Variants in SLC35A3 observed in about 807,000 individuals in gnomAD.
SLC35A3 encodes the protein UDP-N-acetylglucosamine transporter.
Under a neutral mutation model 39.0 loss-of-function variants are expected in SLC35A3, and 26 were observed. The ratio of observed to expected loss-of-function variants is 0.67; its 90% CI spans 0.49 to 0.92. The LOEUF is 0.92. SLC35A3 is among the 40% of genes least tolerant of loss of function. The pLI is 0.00. For missense variants in SLC35A3, 299 were observed against 371.6 expected, an observed-to-expected ratio of 0.80 and a Z score of 1.61; for synonymous variants, 135 against 133.1, an observed-to-expected ratio of 1.01 and a Z score of -0.10.
chr1:99,976,183 A>G (rs1263730173), intron 1 of SLC35A3, among the ~76,000 whole-genome samples: 2 of 152,218 alleles, frequency 1.3e-5, no homozygotes, highest in African/African-American at 4.8e-5. Context: ...CTCTTCAGTT[A>G]GGCAGAGTGG....
In SLC35A3 at chr1:99,977,026, A is replaced by T. The variant is rs542084362; in HGVS notation, c.-19+6864A>T. Among the ~76,000 whole-genome samples the T allele has an allele frequency of 3.6e-3, 550 of 152,204 alleles. 4 individuals are homozygous for T. Among genetic ancestry groups the T allele is most frequent in the Non-Finnish European group, 5.8e-3 (395 of 68,004 alleles). ...TTTGTCAGACCATAAATCCATAAAAACTGCTCATTCTATATTGTTTCAGTT... is the reference window on the plus strand; with the variant it reads ...TTTGTCAGACCATAAATCCATAAAATCTGCTCATTCTATATTGTTTCAGTT... On this transcript the variant is annotated intron_variant, in intron 1 of 7. Coordinates refer to ENST00000533028, the MANE Select transcript of SLC35A3 (RefSeq NM_012243.3).
chr1:99,993,435 A>T (rs1371191289), intron 1 of SLC35A3, 102 bp from the exon 2 acceptor site: 1 of 848,730 alleles, frequency 1.2e-6, no homozygotes, highest in Non-Finnish European at 1.8e-6. Flanking sequence ...GGTGGAGGAG[A>T]GACCTGCAGG....
intron 1 of SLC35A3, among the ~76,000 whole-genome samples, chr1:99,973,781 C>T (rs1212122801): frequency 6.6e-6 from 1 of 152,132 alleles, no homozygotes; most frequent in Non-Finnish European, 1.5e-5. Context: ...TTTTGGGAGG[C>T]CCAGGCAGGC....
intron 5 of SLC35A3, among the ~76,000 whole-genome samples, chr1:100,012,518 T>C (rs1659741929): frequency 6.6e-6 from 1 of 152,124 alleles, no homozygotes; most frequent in South Asian, 2.1e-4. Flanking sequence ...AATTCAAAAT[T>C]ATAAGAACAA....
rs778762611 is a variant in SLC35A3 at position 100,033,358 on chromosome 1, A to G, written c.*10882A>G. The G allele has an allele frequency of 2.6e-5, 4 of 152,080 alleles. No homozygotes were observed. Among genetic ancestry groups the G allele is most frequent in the Non-Finnish European group, 5.9e-5 (4 of 68,014 alleles). 9.4% of individuals were successfully genotyped at this position (152,080 alleles called of 1,614,324 possible). A position where few individuals can be genotyped will look rare whatever the true frequency, so the allele number is the denominator to read the frequency against. Reference sequence around the variant, plus strand: ...TGAAAAGTGTACTCTGAAAAAATCTAGCTGTCATACCTATCCCTCCATTCC... The same window carrying G: ...TGAAAAGTGTACTCTGAAAAAATCTGGCTGTCATACCTATCCCTCCATTCC... On this transcript the variant is annotated 3_prime_UTR_variant, in exon 8 of 8. Coordinates refer to ENST00000533028, the MANE Select transcript of SLC35A3 (RefSeq NM_012243.3).
In SLC35A3 at chr1:100,022,475, A is replaced by G. The variant is rs201701566; in HGVS notation, c.977A>G (p.Ter326TrpextTer14). The change falls in exon 8 of 8, where the codon TAG (stop) becomes TGG (tryptophan). Residue 326 changes from the stop codon to tryptophan, a stop_lost. Transcript: ENST00000533028. ...PKPAGNPTKA[*>W] Reference sequence around the variant, plus strand: ...CCTGCAGGAAATCCCACTAAAGCATAGTTGTATACTATCTTTAACTGGTTT... The same window carrying G: ...CCTGCAGGAAATCCCACTAAAGCATGGTTGTATACTATCTTTAACTGGTTT... 4.6e-6 allele frequency: 7 copies of G among 1,533,640 alleles called. No individual in the cohort carries two copies. The East Asian group carries it at 1.6e-4, about 35-fold the overall frequency.
chr1:99,973,073 G>A (rs1656913540), intron 1 of SLC35A3, among the ~76,000 whole-genome samples: 1 of 152,158 alleles, frequency 6.6e-6, no homozygotes, highest in South Asian at 2.1e-4. Flanking sequence ...AGAATCAATG[G>A]AAAGAATCTC....
At chr1:99,986,165 CTTT>C (rs199503957) in intron 1 of SLC35A3, among the ~76,000 whole-genome samples, 10 of 137,950 alleles carry the variant, frequency 7.2e-5, no homozygotes, top group Admixed American at 2.2e-4. Flanking sequence ...ATATATTCTA[CTTT>C]TTTTTTTTTT....
At chr1:99,979,486 T>C (rs1657317644) in intron 1 of SLC35A3, among the ~76,000 whole-genome samples, 1 of 150,216 alleles carries the variant, frequency 6.7e-6, no homozygotes, top group African/African-American at 2.4e-5. Flanking sequence ...CAGGCTGGAG[T>C]GCAGTGGCGT....
chr1:100,033,941 A>G lies in SLC35A3; in HGVS notation c.*11465A>G, dbSNP rs775579166. 3.3e-5 allele frequency: 5 copies of G among 152,236 alleles called. No homozygotes were observed. Among genetic ancestry groups the G allele is most frequent in the Non-Finnish European group, 5.9e-5 (4 of 68,040 alleles). The allele number at this position is 152,236 out of a possible 1,614,324, so 9.4% of individuals were successfully genotyped here. A position where few individuals can be genotyped will look rare whatever the true frequency, so the allele number is the denominator to read the frequency against. ...GAGTATTCAAGGAGGGCTTGTAAGT[A>G]CTGTACAATATTCTCTGAGTTGTGA... On this transcript the variant is annotated 3_prime_UTR_variant, in exon 8 of 8. Transcript: ENST00000533028.
rs984092865 is a variant in SLC35A3 at position 100,022,627 on chromosome 1, T to C, written c.*151T>C. ...TAAAAGTTTAAGGATAAGACATGTG[T>C]ATATGTAACAAAACACATTGCATCT... On this transcript the variant is annotated 3_prime_UTR_variant, in exon 8 of 8. Transcript: ENST00000533028. 1 of 433,174 alleles carries C rather than the reference T, an allele frequency of 2.3e-6. No individual in the cohort carries two copies. The highest frequency in any genetic ancestry group is 2.0e-5 in the African/African-American group (1 of 48,860). The allele number at this position is 433,174 out of a possible 1,614,324, so 26.8% of individuals were successfully genotyped here.
In SLC35A3 at chr1:100,027,108, A is replaced by C; in HGVS notation, c.*4632A>C. On this transcript the variant is annotated 3_prime_UTR_variant, in exon 8 of 8. Transcript: ENST00000533028. ...TCTCTGGCTCTGTAGTATCTCTATC[A>C]CTGTCACATGTGATCTTTCTTCCTT... 1 of 398,430 alleles carries C rather than the reference A, an allele frequency of 2.5e-6. No homozygotes were observed. The highest frequency in any genetic ancestry group is 4.4e-6 in the Non-Finnish European group (1 of 226,016). The allele number at this position is 398,430 out of a possible 1,614,324, so 24.7% of individuals were successfully genotyped here. A position where few individuals can be genotyped will look rare whatever the true frequency, so the allele number is the denominator to read the frequency against.
rs531362092 is a variant in SLC35A3, at chr1:100,027,850, AG to A, written c.*5375del. 1 of 151,838 alleles carries A rather than the reference AG, an allele frequency of 6.6e-6. No homozygotes were observed. The highest frequency in any genetic ancestry group is 1.5e-5 in the Non-Finnish European group (1 of 67,972). The allele number at this position is 151,838 out of a possible 1,614,324, so 9.4% of individuals were successfully genotyped here. A position where few individuals can be genotyped will look rare whatever the true frequency, so the allele number is the denominator to read the frequency against. ...TATTTAATAATCTTTTTTGTATTAC[AG>A]TGCTTCTTTTGTTGGAAATATATCA... On this transcript the variant is annotated 3_prime_UTR_variant, in exon 8 of 8. Coordinates refer to ENST00000533028, the MANE Select transcript of SLC35A3 (RefSeq NM_012243.3).
chr1:99,984,990 T>C (rs2149192), intron 1 of SLC35A3, among the ~76,000 whole-genome samples: 17,303 of 152,208 alleles, frequency 0.11, 1,289 homozygotes, highest in Non-Finnish European at 0.15. Flanking sequence ...TATTAGTTGT[T>C]TGTTGGATGT....
intron 2 of SLC35A3, 35 bp from the exon 3 acceptor site, chr1:99,999,226 A>C (rs762894853): frequency 2.2e-6 from 3 of 1,375,128 alleles, no homozygotes; most frequent in Non-Finnish European, 2.9e-6. Context: ...ATTCAGAGTT[A>C]CTTAATTACT....
intron 3 of SLC35A3, among the ~76,000 whole-genome samples, chr1:100,001,605 C>A (rs541253199): frequency 7.9e-5 from 12 of 151,962 alleles, no homozygotes; most frequent in African/African-American, 2.9e-4. Context: ...TTAATGGAAT[C>A]TTTAGGGTCC....
rs145391295 is a variant in SLC35A3, at chr1:100,014,079, C to G, written c.635-1223C>G. Among the ~76,000 whole-genome samples, 251 of 152,288 alleles carry G rather than the reference C, an allele frequency of 1.6e-3. 2 individuals carry two copies. Among genetic ancestry groups the G allele is most frequent in the African/African-American group, 5.7e-3 (236 of 41,570 alleles). Reference sequence around the variant, plus strand: ...GAGGTGAGATTCAACATGAACAAGACAGTTTCTGCTGTCACCAAGTTAACT... The same window carrying G: ...GAGGTGAGATTCAACATGAACAAGAGAGTTTCTGCTGTCACCAAGTTAACT... On this transcript the variant is annotated intron_variant, in intron 5 of 7. Coordinates refer to ENST00000533028, the MANE Select transcript of SLC35A3 (RefSeq NM_012243.3).
rs1040740523 is a variant in SLC35A3 at position 100,028,110 on chromosome 1, T to G, written c.*5634T>G. The G allele has an allele frequency of 1.3e-5, 2 of 152,144 alleles. No homozygotes were observed. The highest frequency in any genetic ancestry group is 4.8e-5 in the African/African-American group (2 of 41,390). The allele number at this position is 152,144 out of a possible 1,614,324, so 9.4% of individuals were successfully genotyped here. On this transcript the variant is annotated 3_prime_UTR_variant, in exon 8 of 8. Coordinates refer to ENST00000533028, the MANE Select transcript of SLC35A3 (RefSeq NM_012243.3). The stretch of plus-strand genomic sequence containing the variant: ...CATGCCACCACGCCCAACTAATTTT[T>G]GTATTTTTAGTAGAGACAGGGTTTC...
At chr1:100,017,967 C>A in intron 7 of SLC35A3, 152 bp downstream of exon 7, 1 of 439,542 alleles carries the variant, frequency 2.3e-6, no homozygotes, top group Non-Finnish European at 3.9e-6. Flanking sequence ...AAATTAAATT[C>A]ATGAAAGAAA....
Sources: allele counts gnomAD v4.1 joint callset (sites outside exome capture counted in the v4.1 genomes callset), GRCh38; gene constraint gnomAD v4.1.1; transcripts MANE v1.5; gene names NCBI Gene and HGNC (gene_info 2026-07-23, HGNC 2026-07-21).